Variants in CD244 observed in about 807,000 individuals in gnomAD.
CD244 encodes the protein natural killer cell receptor 2B4.
In CD244, 20 loss-of-function variants were observed where a neutral mutation model predicts 45.5. The ratio of observed to expected loss-of-function variants is 0.44; its 90% CI spans 0.31 to 0.64. The LOEUF is 0.64. CD244 is among the 30% of genes least tolerant of loss of function. The pLI, the probability that CD244 is intolerant of heterozygous loss-of-function variation, is 0.08. For missense variants in CD244, 407 were observed against 426.9 expected, an observed-to-expected ratio of 0.95 and a Z score of 0.41; for synonymous variants, 185 against 160.5, an observed-to-expected ratio of 1.15 and a Z score of -1.15.
intron 3 of CD244, 123 bp downstream of exon 3, chr1:160,841,087 G>GT: frequency 5.4e-6 from 5 of 918,464 alleles, no homozygotes; most frequent in Non-Finnish European, 8.4e-6. Context: ...CCTGGGAAGG[G>GT]CTACAAGGCA....
chr1:160,844,633 A>T (rs1050846460), intron 1 of CD244, among the ~76,000 whole-genome samples: 19 of 152,204 alleles, frequency 1.2e-4, no homozygotes, highest in Admixed American at 3.9e-4. Context: ...GGAGAATAAG[A>T]TATCACATGA....
chr1:160,832,485 A>G (rs759011684), intron 8 of CD244, 34 bp downstream of exon 8: 3 of 1,336,594 alleles, frequency 2.2e-6, no homozygotes, highest in Admixed American at 4.0e-5. Flanking sequence ...TATGCAACAG[A>G]CAGTAAACCC....
At position 160,836,201 on chromosome 1, in the gene CD244, C is replaced by T; in HGVS notation, c.888G>A (p.Gln296=). The T allele has an allele frequency of 6.2e-7, 1 of 1,613,442 alleles. No homozygotes were observed. The highest frequency in any genetic ancestry group is 8.5e-7 in the Non-Finnish European group (1 of 1,179,342). The part of the protein sequence containing the change: ...GGGSTIYSMI[Q]SQSSAPTSQE... ...AGAGAAACTGGAGAGGTACCTGGGA[C>T]TGGATCATAGAGTAGATGGTGCTCC... is the stretch of plus-strand genomic sequence containing the variant. The change falls in exon 6 of 9, where the codon CAG becomes CAA. Residue 296 remains glutamine (Q), a synonymous_variant. Transcript: ENST00000368034.
Position 160,831,299 on chromosome 1 carries a change from C to T in CD244, c.*48G>A, listed in dbSNP as rs746596494. ...TGTGCCGTCATCCACTGTGCCAATT[C>T]CCAAAGCAGATGCTGATGTGCAAGA... On this transcript the variant is annotated 3_prime_UTR_variant, in exon 9 of 9. Coordinates refer to ENST00000368034, the MANE Select transcript of CD244 (RefSeq NM_016382.4). The T allele has an allele frequency of 1.4e-5, 20 of 1,434,760 alleles. No individual in the cohort carries two copies. The highest frequency in any genetic ancestry group is 1.7e-4 in the Middle Eastern group (1 of 5,738). The allele number at this position is 1,434,760 out of a possible 1,614,324, so 88.9% of individuals were successfully genotyped here.
At chr1:160,831,842 G>T (rs543868176) in intron 8 of CD244, among the ~76,000 whole-genome samples, 1 of 152,294 alleles carries the variant, frequency 6.6e-6, no homozygotes, top group Non-Finnish European at 1.5e-5. Context: ...TGAGGCTAAT[G>T]GGTAGTGGGG....
At chr1:160,832,288 T>G (rs1669153395) in intron 8 of CD244, among the ~76,000 whole-genome samples, 1 of 152,208 alleles carries the variant, frequency 6.6e-6, no homozygotes, top group African/African-American at 2.4e-5. Flanking sequence ...AAACCCAAGC[T>G]GCCCAGTAAG....
chr1:160,856,840 A>C (rs929681140), intron 1 of CD244, among the ~76,000 whole-genome samples: 1 of 152,228 alleles, frequency 6.6e-6, no homozygotes, highest in Admixed American at 6.5e-5. Flanking sequence ...AACTAAAAAA[A>C]AATCATGTAC....
intron 1 of CD244, among the ~76,000 whole-genome samples, chr1:160,845,010 C>T (rs912270199): frequency 6.6e-6 from 1 of 152,224 alleles, no homozygotes; most frequent in Admixed American, 6.5e-5. Context: ...ATGAATCAGC[C>T]ACCCGTGGCC....
rs116547679 is a variant in CD244, at chr1:160,834,954, T to C, written c.895-838A>G. On this transcript the variant is annotated intron_variant, in intron 6 of 8. Coordinates refer to ENST00000368034, the MANE Select transcript of CD244 (RefSeq NM_016382.4). ...CAACACCATAGTTTGAGGGGACCTC[T>C]TTCTTGCACTGATAGAAATTCCTCT... Among the ~76,000 whole-genome samples, 1,321 of 152,340 alleles carry C rather than the reference T, an allele frequency of 8.7e-3. 20 individuals carry two copies. The highest frequency in any genetic ancestry group is 0.031 in the African/African-American group (1,269 of 41,562).
chr1:160,835,713 TAA>T (rs745439489), intron 6 of CD244, among the ~76,000 whole-genome samples: 2 of 151,878 alleles, frequency 1.3e-5, no homozygotes, highest in East Asian at 3.9e-4. Flanking sequence ...AAAAAATAAA[TAA>T]AGAGACCCTG....
chr1:160,838,907 C>T, intron 4 of CD244, 32 bp downstream of exon 4: 1 of 1,452,370 alleles, frequency 6.9e-7, no homozygotes, highest in Non-Finnish European at 9.6e-7. Context: ...AGGCCTCAGG[C>T]AGGAGCACCA....
intron 1 of CD244, among the ~76,000 whole-genome samples, chr1:160,848,769 T>G (rs530740918): frequency 4.6e-5 from 7 of 152,226 alleles, no homozygotes; most frequent in Non-Finnish European, 7.3e-5. Flanking sequence ...ATTCCTGGCA[T>G]GCAGTGTGCC....
At chr1:160,857,662 G>T (rs1443147399) in intron 1 of CD244, among the ~76,000 whole-genome samples, 1 of 152,194 alleles carries the variant, frequency 6.6e-6, no homozygotes, top group Admixed American at 6.5e-5. Context: ...ACAAGAGTGT[G>T]TTCATTTAAC....
intron 1 of CD244, among the ~76,000 whole-genome samples, chr1:160,861,148 G>A (rs1670287536): frequency 6.6e-6 from 1 of 152,100 alleles, no homozygotes; most frequent in Non-Finnish European, 1.5e-5. Flanking sequence ...TGCATTCAAG[G>A]ATCCTTAGAC....
chr1:160,850,124 C>A (rs1175651148), intron 1 of CD244, among the ~76,000 whole-genome samples: 1 of 151,906 alleles, frequency 6.6e-6, no homozygotes, highest in Non-Finnish European at 1.5e-5. Context: ...GTCAGTTTTG[C>A]AAAATTGCTA....
chr1:160,839,079 G>A (rs747146965), intron 3 of CD244, 30 bp from the exon 4 acceptor site: 10 of 1,510,340 alleles, frequency 6.6e-6, no homozygotes, highest in Non-Finnish European at 9.2e-6. Flanking sequence ...TGAGAACTGA[G>A]CTGTCAGCTC....
intron 1 of CD244, among the ~76,000 whole-genome samples, chr1:160,861,324 A>T (rs749976253): frequency 3.3e-5 from 5 of 152,144 alleles, no homozygotes; most frequent in Non-Finnish European, 5.9e-5. Flanking sequence ...CTGAGCCTTG[A>T]CTGTGTCTTC....
rs1425656738 is a variant in CD244 at position 160,841,817 on chromosome 1, T to C, written c.146A>G (p.Asp49Gly). 1 of 1,614,062 alleles carries C rather than the reference T, an allele frequency of 6.2e-7. No individual in the cohort carries two copies. Among genetic ancestry groups the C allele is most frequent in the South Asian group, 1.1e-5 (1 of 91,086 alleles). The change falls in exon 2 of 9, where the codon GAC (aspartate) becomes GGC (glycine). Residue 49 changes from aspartate to glycine, a missense_variant. By Grantham distance (94) the Asp-to-Gly change is moderately conservative. Transcript: ENST00000368034. ...LQPNSIQTKVDSIAWKKLLPS... is the reference protein window; with the variant it reads ...LQPNSIQTKVGSIAWKKLLPS... ...CAGCAACTTCTTCCATGCAATGCTG[T>C]CAACCTTCGTCTGTATGCTGTTTGG...
intron 1 of CD244, among the ~76,000 whole-genome samples, chr1:160,852,705 C>T (rs983621280): frequency 6.6e-6 from 1 of 151,950 alleles, no homozygotes; most frequent in African/African-American, 2.4e-5. Flanking sequence ...TACATATACC[C>T]TTTGATCCAG....
Sources: gnomAD v4.1 joint callset for allele counts (sites outside exome capture counted in the v4.1 genomes callset) on GRCh38, gnomAD v4.1.1 for gene constraint, MANE v1.5 for transcripts, NCBI Gene and HGNC (gene_info 2026-07-23, HGNC 2026-07-21) for gene names.